The following SLC1A3 variants were observed in gnomAD, a reference collection of about 807,000 sequenced individuals.
The protein encoded by SLC1A3 is solute carrier family 1 member 3.
In SLC1A3, 21 loss-of-function variants were observed where a neutral mutation model predicts 48.1. The ratio of observed to expected loss-of-function variants is 0.44; its 90% confidence interval spans 0.31 to 0.63. The LOEUF is 0.63. SLC1A3 is among the 20% of genes least tolerant of loss of function. The probability of loss-of-function intolerance (pLI) is 0.08; values close to 1 mark genes in which losing one functional copy is unlikely to be tolerated. For missense variants in SLC1A3, 546 were observed against 689.0 expected, an observed-to-expected ratio of 0.79 and a Z score of 2.32; for synonymous variants, 239 against 251.4, an observed-to-expected ratio of 0.95 and a Z score of 0.47.
chr5:36,677,828 A>G (rs1309400890), intron 6 of SLC1A3, among the ~76,000 whole-genome samples: 2 of 152,222 alleles, frequency 1.3e-5, no homozygotes, highest in Non-Finnish European at 2.9e-5. Context: ...GAGGCCCCCT[A>G]GGCCATCAGG....
At chr5:36,681,688 G>T (rs1289944037) in intron 8 of SLC1A3, among the ~76,000 whole-genome samples, 1 of 152,176 alleles carries the variant, frequency 6.6e-6, no homozygotes, top group Non-Finnish European at 1.5e-5. Flanking sequence ...ATACGCATGT[G>T]CATGTGCAAA....
rs761842691 is a variant in SLC1A3 at position 36,679,687 on chromosome 5, G to T, written c.921G>T (p.Met307Ile). 8.7e-6 allele frequency: 14 copies of T among 1,614,042 alleles called. No homozygotes were observed. In the Admixed American group the frequency reaches 2.0e-4, roughly 23 times the overall value. Reference sequence around the variant, plus strand: ...GGAAGATTGTGGAGATGGAAGACATGGGTGTGATTGGGGGGCAGCTTGCCA... The same window carrying T: ...GGAAGATTGTGGAGATGGAAGACATTGGTGTGATTGGGGGGCAGCTTGCCA... ...IAGKIVEMED[M>I]GVIGGQLAMY... is the part of the protein sequence containing the mutation. The change falls in exon 7 of 10, where the codon ATG becomes ATT. Residue 307 changes from methionine (M) to isoleucine (I), a missense_variant. Transcript: ENST00000265113.
chr5:36,682,534 CAG>C (rs1742480632), intron 8 of SLC1A3, among the ~76,000 whole-genome samples: 1 of 151,974 alleles, frequency 6.6e-6, no homozygotes, highest in African/African-American at 2.4e-5. Flanking sequence ...AAAAAGGTGA[CAG>C]AGTTAAAAAT....
chr5:36,611,511 C>G (rs769810088), intron 2 of SLC1A3, among the ~76,000 whole-genome samples: 26 of 151,992 alleles, frequency 1.7e-4, no homozygotes, highest in Admixed American at 3.3e-4. Context: ...AGCATAGAAC[C>G]ATTTGTACAA....
In SLC1A3 at chr5:36,677,112, A is replaced by G. The variant is rs1458712349; in HGVS notation, c.788A>G (p.Gln263Arg). 1.9e-6 allele frequency: 3 copies of G among 1,614,068 alleles called. No individual in the cohort carries two copies. The South Asian group carries it at 3.3e-5, about 18-fold the overall frequency. ...FGFVIGNMKE[Q>R]GQALREFFDS... ...TTTGTGATTGGAAACATGAAGGAAC[A>G]GGGGCAGGCCCTGAGAGAGTTCTTT... Residue 263 changes from glutamine (Q) to arginine (R), a missense_variant, in exon 6 of 10, where the codon CAG (glutamine) becomes CGG (arginine). Physicochemically the swap from Gln to Arg is conservative, Grantham distance 43 (BLOSUM62 1). Coordinates refer to ENST00000265113, the MANE Select transcript of SLC1A3 (RefSeq NM_004172.5).
chr5:36,679,443 A>G (rs534776328), intron 6 of SLC1A3, among the ~76,000 whole-genome samples, 184 bp from the exon 7 acceptor site: 1 of 152,338 alleles, frequency 6.6e-6, no homozygotes, highest in African/African-American at 2.4e-5. Context: ...TTACAAAAGA[A>G]AAAAAAGAAG....
intron 3 of SLC1A3, among the ~76,000 whole-genome samples, chr5:36,658,112 C>G (rs1303722379): frequency 6.6e-6 from 1 of 152,124 alleles, no homozygotes; most frequent in African/African-American, 2.4e-5. Context: ...GAGAGTCAGA[C>G]AGGTACACGC....
chr5:36,666,187 T>C (rs1383808768), intron 3 of SLC1A3: 1 of 152,182 alleles, frequency 6.6e-6, no homozygotes, highest in East Asian at 1.9e-4. Context: ...GGCCCCATTT[T>C]TCAATCTGTA....
At position 36,596,925 on chromosome 5, in the gene SLC1A3, G is replaced by T. The variant is rs1417858152; in HGVS notation, c.-96+247G>T. Among the ~76,000 whole-genome samples, 2 of 152,036 alleles carry T rather than the reference G, an allele frequency of 1.3e-5. 1 individual carries two copies. The highest frequency in any genetic ancestry group is 4.1e-4 in the South Asian group (2 of 4,834). ...AGAGCACGGATGGGGGCCTGTTTCT[G>T]CTGATAGATATCTTGGAATACGGAA... On this transcript the variant is annotated intron_variant, in intron 1 of 9. Coordinates refer to the SLC1A3 transcript ENST00000680318.
At chr5:36,622,961 G>A (rs1226257044) in intron 2 of SLC1A3, among the ~76,000 whole-genome samples, 8 of 146,298 alleles carry the variant, frequency 5.5e-5, no homozygotes, top group South Asian at 4.3e-4. Context: ...GCAGTGAGCC[G>A]AGATCGCACC....
chr5:36,629,048 G>A (rs1340226525), intron 2 of SLC1A3, among the ~76,000 whole-genome samples: 2 of 152,156 alleles, frequency 1.3e-5, no homozygotes, highest in African/African-American at 2.4e-5. Context: ...TCTAACATCT[G>A]TTGTTATAAA....
intron 2 of SLC1A3, among the ~76,000 whole-genome samples, chr5:36,617,741 T>C (rs1739505604): frequency 6.6e-6 from 1 of 152,198 alleles, no homozygotes; most frequent in Non-Finnish European, 1.5e-5. Context: ...GAAAGGCCCC[T>C]CATTCTTAGG....
chr5:36,663,637 G>C (rs1444668827), intron 3 of SLC1A3, among the ~76,000 whole-genome samples: 2 of 152,130 alleles, frequency 1.3e-5, no homozygotes, highest in Non-Finnish European at 2.9e-5. Context: ...CCCTGATAAA[G>C]TATGTGCCAT....
intron 3 of SLC1A3, among the ~76,000 whole-genome samples, chr5:36,656,353 C>G (rs1345861145): frequency 6.6e-6 from 1 of 152,190 alleles, no homozygotes; most frequent in East Asian, 1.9e-4. Flanking sequence ...AGCCCCCTCT[C>G]TCTAGAGCCA....
intron 3 of SLC1A3, among the ~76,000 whole-genome samples, chr5:36,631,396 A>C (rs1483844212): frequency 6.6e-6 from 1 of 152,246 alleles, no homozygotes; most frequent in African/African-American, 2.4e-5. Flanking sequence ...TATTGAAGAA[A>C]TAAGAACTTT....
At chr5:36,655,365 T>C (rs1290668781) in intron 3 of SLC1A3, among the ~76,000 whole-genome samples, 2 of 152,340 alleles carry the variant, frequency 1.3e-5, no homozygotes, top group Middle Eastern at 3.4e-3. Flanking sequence ...GGCTGTGCCC[T>C]GGCTTTGTCA....
At chr5:36,646,047 T>C (rs944480966) in intron 3 of SLC1A3, among the ~76,000 whole-genome samples, 21 of 152,226 alleles carry the variant, frequency 1.4e-4, no homozygotes, top group Admixed American at 9.8e-4. Flanking sequence ...CTTTTGTTCA[T>C]TAAAGAAAAC....
rs149807307 is a variant in SLC1A3, at chr5:36,601,066, C to A, written c.-96+4388C>A. Among the ~76,000 whole-genome samples the A allele has an allele frequency of 4.3e-3, 657 of 152,238 alleles. 7 individuals are homozygous for A. Among genetic ancestry groups the A allele is most frequent in the African/African-American group, 0.015 (630 of 41,544 alleles). ...CTCCTGCCAAAAAAATGTCCAAATG[C>A]GAAATAGTTGCTATAATAGTCGTTT... is the stretch of plus-strand genomic sequence containing the variant. On this transcript the variant is annotated intron_variant, in intron 1 of 9. Coordinates refer to the SLC1A3 transcript ENST00000680318.
rs1289889115 is a variant in SLC1A3 at position 36,597,388 on chromosome 5, G to C, written c.-96+710G>C. Among the ~76,000 whole-genome samples the C allele has an allele frequency of 1.4e-3, 206 of 151,344 alleles. 1 individual carries two copies. The highest frequency in any genetic ancestry group is 3.4e-3 in the Middle Eastern group (1 of 290). On this transcript the variant is annotated intron_variant, in intron 1 of 9. Coordinates refer to the SLC1A3 transcript ENST00000680318. Reference sequence around the variant, plus strand: ...CAGCCTCCCCAGCAGCTGGGACAGGGGCACGCCGCCACGCCCGGCTAGTTT... The same window carrying C: ...CAGCCTCCCCAGCAGCTGGGACAGGCGCACGCCGCCACGCCCGGCTAGTTT...
Sources: allele counts gnomAD v4.1 joint callset (sites outside exome capture counted in the v4.1 genomes callset), GRCh38; gene constraint gnomAD v4.1.1; transcripts MANE v1.5; gene names NCBI Gene and HGNC (gene_info 2026-07-23, HGNC 2026-07-21).